The following CYP27C1 variants were observed in gnomAD, a reference collection of about 807,000 sequenced individuals.
CYP27C1 encodes cytochrome P450 27C1.
In CYP27C1, 29 loss-of-function variants were observed where a neutral mutation model predicts 40.6. The observed-to-expected ratio is 0.71, with a 90% CI of 0.53 to 0.97. CYP27C1 has a LOEUF of 0.97. Among genes scored for constraint, CYP27C1 ranks in the 50% least tolerant of loss-of-function variants. CYP27C1 has a pLI of 0.00. For synonymous variants in CYP27C1, 198 were observed against 186.8 expected, an observed-to-expected ratio of 1.06 and a Z score of -0.49; for missense variants, 390 against 485.8, an observed-to-expected ratio of 0.80 and a Z score of 1.85.
rs149949333 is a variant in CYP27C1 at position 127,196,235 on chromosome 2, T to C, written c.1048-734A>G. ...TCACCACCACGCCCGGCTAATTTTT[T>C]GTATTTTTAGGAGAGACAGGATTTC... On this transcript the variant is annotated intron_variant, in intron 5 of 8. Coordinates refer to ENST00000664447, the MANE Select transcript of CYP27C1 (RefSeq NM_001367502.1). This position sits in a 1 kb window ranked among gnomAD's most constrained non-coding sequence, Gnocchi z 4.5. Among the ~76,000 whole-genome samples, 1 of 122,684 alleles carries C rather than the reference T, an allele frequency of 8.2e-6. No individual in the cohort carries two copies. Among genetic ancestry groups the C allele is most frequent in the African/African-American group, 3.4e-5 (1 of 29,758 alleles). 80.5% of individuals were successfully genotyped at this position (122,684 alleles called of 152,430 possible). A position where few individuals can be genotyped will look rare whatever the true frequency, so the allele number is the denominator to read the frequency against.
rs968639082 is a variant in CYP27C1, at chr2:127,218,190, T to C, written c.282+1799A>G. On this transcript the variant is annotated intron_variant, in intron 1 of 8. Coordinates refer to ENST00000664447, the MANE Select transcript of CYP27C1 (RefSeq NM_001367502.1). This position sits in a 1 kb window ranked among gnomAD's most constrained non-coding sequence, Gnocchi z 6.0. ...GTGAATGGAAAATACCCATCTGAAC[T>C]GCCACACATCCTGACTGGATACAGG... Among the ~76,000 whole-genome samples the C allele has an allele frequency of 1.3e-5, 2 of 152,004 alleles. No homozygotes were observed. The highest frequency in any genetic ancestry group is 3.9e-4 in the East Asian group (2 of 5,192).
rs1051708035 is a variant in CYP27C1 at position 127,196,936 on chromosome 2, C to T, written c.1048-1435G>A. On this transcript the variant is annotated intron_variant, in intron 5 of 8. Coordinates refer to ENST00000664447, the MANE Select transcript of CYP27C1 (RefSeq NM_001367502.1). This position sits in a 1 kb window ranked among gnomAD's most constrained non-coding sequence, Gnocchi z 4.5. The stretch of plus-strand genomic sequence containing the variant: ...GATTCCATCTGTCAAAAATCTGTAT[C>T]GCATTATGCAGTTTAAATGGAGTTG... Among the ~76,000 whole-genome samples, 5 of 152,134 alleles carry T rather than the reference C, an allele frequency of 3.3e-5. No homozygotes were observed. Among genetic ancestry groups the T allele is most frequent in the African/African-American group, 1.2e-4 (5 of 41,416 alleles).
intron 1 of CYP27C1, among the ~76,000 whole-genome samples, chr2:127,212,904 A>G (rs980339804): frequency 2.4e-4 from 36 of 152,232 alleles, no homozygotes; most frequent in African/African-American, 8.2e-4. Context: ...AGATGATTTT[A>G]TATTTAGAAA....
chr2:127,193,392 T>G, intron 7 of CYP27C1, 95 bp from the exon 8 acceptor site: 1 of 1,484,028 alleles, frequency 6.7e-7, no homozygotes, highest in Non-Finnish European at 9.2e-7. Flanking sequence ...TCTCCCGGGG[T>G]GCTCCCGCCT....
chr2:127,203,491 C>T lies in CYP27C1; in HGVS notation c.554G>A (p.Gly185Glu). The change falls in exon 3 of 9, where the codon GGA becomes GAA. Residue 185 changes from glycine (G) to glutamate (E), a missense_variant. Gly to Glu is a moderately conservative substitution (Grantham distance 98). Transcript: ENST00000664447. ...GTCAGCAATAACTTGGTTGACTTCT[C>T]CAGAATAAATGGCCACATCTTTCGG... is the stretch of plus-strand genomic sequence containing the variant. ...LKPKDVAIYS[G>E]EVNQVIADLI... 6.2e-7 allele frequency: 1 copy of T among 1,614,024 alleles called. No homozygotes were observed. Among genetic ancestry groups the T allele is most frequent in the Non-Finnish European group, 8.5e-7 (1 of 1,180,002 alleles).
chr2:127,219,075 G>A lies in CYP27C1; in HGVS notation c.282+914C>T, dbSNP rs1683497024. On this transcript the variant is annotated intron_variant, in intron 1 of 8. Transcript: ENST00000664447. The surrounding 1 kb of genome is among the most constrained non-coding windows in gnomAD (Gnocchi z 8.7). ...AGGTGTCGCCCCCAACTCCGGCTTA[G>A]AGCCTACGGCACCCCGAGCCTCCGA... 6.6e-6 allele frequency among the ~76,000 whole-genome samples: 1 copy of A among 152,106 alleles called. No individual in the cohort carries two copies.
In CYP27C1 at chr2:127,218,209, A is replaced by G. The variant is rs1368853998; in HGVS notation, c.282+1780T>C. ...CTGAACTGCCACACATCCTGACTGG[A>G]TACAGGCTTTAACACGGTCCGTCTC... On this transcript the variant is annotated intron_variant, in intron 1 of 8. Transcript: ENST00000664447. This position sits in a 1 kb window ranked among gnomAD's most constrained non-coding sequence, Gnocchi z 6.0. Among the ~76,000 whole-genome samples the G allele has an allele frequency of 6.6e-6, 1 of 152,132 alleles. No individual in the cohort carries two copies. The highest frequency in any genetic ancestry group is 1.5e-5 in the Non-Finnish European group (1 of 68,018).
intron 8 of CYP27C1, among the ~76,000 whole-genome samples, chr2:127,189,987 T>A (rs1055618982): frequency 1.3e-5 from 2 of 152,240 alleles, no homozygotes; most frequent in Non-Finnish European, 2.9e-5. Context: ...GACTTCCTTT[T>A]TCTATTCTCT....
chr2:127,196,755 C>G lies in CYP27C1; in HGVS notation c.1048-1254G>C, dbSNP rs1476618679. 1.3e-5 allele frequency among the ~76,000 whole-genome samples: 2 copies of G among 152,044 alleles called. No homozygotes were observed. Among genetic ancestry groups the G allele is most frequent in the Admixed American group, 6.5e-5 (1 of 15,272 alleles). On this transcript the variant is annotated intron_variant, in intron 5 of 8. Transcript: ENST00000664447. This position sits in a 1 kb window ranked among gnomAD's most constrained non-coding sequence, Gnocchi z 4.5. ...GGTATATCCATACAATGGAATACTA[C>G]TTAGTAATAAAAAAGAATCAATTAC...
Position 127,204,549 on chromosome 2 carries a change from GAGAGAGAGAAAGAA to G in CYP27C1, c.474-992_474-979del, listed in dbSNP as rs1244477213. 4.7e-3 allele frequency among the ~76,000 whole-genome samples: 365 copies of G among 77,822 alleles called. 1 individual carries two copies. The highest frequency in any genetic ancestry group is 0.012 in the East Asian group (26 of 2,194). The allele number at this position is 77,822 out of a possible 152,430, so 51.1% of individuals were successfully genotyped here. The stretch of plus-strand genomic sequence containing the variant: ...AGAAAGAAAGAAAGAGAGAGAGAGA[GAGAGAGAGAAAGAA>G]AGAAAGAAAGAAAGAAAGAAAGAAA... On this transcript the variant is annotated intron_variant, in intron 2 of 8. Transcript: ENST00000664447.
At chr2:127,194,004 C>G (rs1326666201) in intron 6 of CYP27C1, 137 bp from the exon 7 acceptor site, 1 of 985,468 alleles carries the variant, frequency 1.0e-6, no homozygotes, top group Admixed American at 2.5e-5. Flanking sequence ...TCAACTGAAA[C>G]ATTTTGCAAG....
chr2:127,203,316 A>G (rs181450708), intron 3 of CYP27C1, 56 bp downstream of exon 3: 1 of 1,568,772 alleles, frequency 6.4e-7, no homozygotes. Context: ...TGACATCTGC[A>G]GGTTTGGGGC....
At chr2:127,192,711 A>G (rs1682808845) in intron 8 of CYP27C1, among the ~76,000 whole-genome samples, 1 of 152,224 alleles carries the variant, frequency 6.6e-6, no homozygotes, top group East Asian at 1.9e-4. Flanking sequence ...CCCAATCCCC[A>G]CAGGGCCTCG....
In CYP27C1 at chr2:127,184,325, G is replaced by T. The variant is rs1437295629; in HGVS notation, c.*2946C>A. On this transcript the variant is annotated 3_prime_UTR_variant, in exon 9 of 9. Transcript: ENST00000664447. ...TGGTTTATTTGAATCTGATTCAAAC[G>T]AAGTCCAGCATTGTACTTGGTTAAT... 6.6e-6 allele frequency: 1 copy of T among 151,738 alleles called. No individual in the cohort carries two copies. The highest frequency in any genetic ancestry group is 2.4e-5 in the African/African-American group (1 of 41,296). 9.4% of individuals were successfully genotyped at this position (151,738 alleles called of 1,614,324 possible).
chr2:127,194,116 C>T (rs1368918674), intron 6 of CYP27C1, among the ~76,000 whole-genome samples: 1 of 152,196 alleles, frequency 6.6e-6, no homozygotes, highest in Non-Finnish European at 1.5e-5. Flanking sequence ...AAAGCCAAGC[C>T]TTTCACATGC....
intron 1 of CYP27C1, among the ~76,000 whole-genome samples, chr2:127,212,274 T>C (rs1683354645): frequency 6.6e-6 from 1 of 152,182 alleles, no homozygotes. Flanking sequence ...TCTGAAACTA[T>C]TCCAAACAAT....
chr2:127,195,189 T>G lies in CYP27C1; in HGVS notation c.1214+146A>C. 3.0e-6 allele frequency: 3 copies of G among 988,220 alleles called. No individual in the cohort carries two copies. Among genetic ancestry groups the G allele is most frequent in the Non-Finnish European group, 4.5e-6 (3 of 669,510 alleles). 61.2% of individuals were successfully genotyped at this position (988,220 alleles called of 1,614,324 possible). ...TAAAACAGAATGGTCTTTCTGCTATTCTGACAAGAGCAGAGAAAAAATAAC... is the reference window on the plus strand; with the variant it reads ...TAAAACAGAATGGTCTTTCTGCTATGCTGACAAGAGCAGAGAAAAAATAAC... On this transcript the variant is annotated intron_variant, in intron 6 of 8. Coordinates refer to ENST00000664447, the MANE Select transcript of CYP27C1 (RefSeq NM_001367502.1). The surrounding 1 kb of genome is among the most constrained non-coding windows in gnomAD (Gnocchi z 6.2).
Position 127,187,274 on chromosome 2 carries a change from C to G in CYP27C1, c.1611G>C (p.Lys537Asn). ...AGCCCAGGTTTAAAATCTAGGCTTA[C>G]TTTCTGTTAACAAATCGCACGTGGA... Reference protein sequence around the residue: ...GPIHVRFVNRK With the variant: ...GPIHVRFVNRN The change falls in exon 9 of 9, where the codon AAG becomes AAC. Residue 537 changes from lysine to asparagine, a missense_variant. Physicochemically the swap from Lys to Asn is moderately conservative, Grantham distance 94 (BLOSUM62 0). Transcript: ENST00000664447. 6.2e-7 allele frequency: 1 copy of G among 1,614,030 alleles called. No homozygotes were observed. The highest frequency in any genetic ancestry group is 8.5e-7 in the Non-Finnish European group (1 of 1,179,892).
At chr2:127,194,121 A>C (rs1300626469) in intron 6 of CYP27C1, among the ~76,000 whole-genome samples, 5 of 152,220 alleles carry the variant, frequency 3.3e-5, no homozygotes, top group Non-Finnish European at 7.3e-5. Context: ...CAAGCCTTTC[A>C]CATGCCATTG....
Sources: gnomAD v4.1 joint callset for allele counts (sites outside exome capture counted in the v4.1 genomes callset) on GRCh38, gnomAD v4.1.1 for gene constraint, Gnocchi (gnomAD v3.1) non-coding constraint, MANE v1.5 for transcripts, NCBI Gene and HGNC (gene_info 2026-07-23, HGNC 2026-07-21) for gene names.